Variants in WDPCP observed in about 807,000 individuals in gnomAD.
WDPCP encodes the protein WD repeat-containing and planar cell polarity effector protein fritz homolog.
A neutral mutation model predicts 93.1 loss-of-function variants in WDPCP; 71 were observed. That is an observed-to-expected ratio of 0.76 (90% CI 0.63 to 0.93). WDPCP has a LOEUF of 0.93. Among genes scored for constraint, WDPCP ranks in the 40% least tolerant of loss-of-function variants. The pLI, the probability that WDPCP is intolerant of heterozygous loss-of-function variation, is 0.00. For synonymous variants in WDPCP, 315 were observed against 315.0 expected (o/e 1.00, Z 0.00); for missense variants, 844 against 887.4 (o/e 0.95, Z 0.62).
chr2:63,172,372 G>A (rs1673455554), intron 15 of WDPCP, among the ~76,000 whole-genome samples: 2 of 152,068 alleles, frequency 1.3e-5, no homozygotes, highest in African/African-American at 2.4e-5. Context: ...GCCCGGTATG[G>A]TGGCACGTGC....
In WDPCP at chr2:63,241,273, C is replaced by A. The variant is rs151106269; in HGVS notation, c.1915+18034G>T. The stretch of plus-strand genomic sequence containing the variant: ...TTAGGATGTCTTTAGGGAAAGATGC[C>A]TATAGGTAGTAAGGTTTAGATCAAA... On this transcript the variant is annotated intron_variant, in intron 14 of 17. Coordinates refer to ENST00000272321, the MANE Select transcript of WDPCP (RefSeq NM_015910.7). 9.2e-5 allele frequency among the ~76,000 whole-genome samples: 14 copies of A among 152,098 alleles called. No individual in the cohort carries two copies. The East Asian group carries it at 2.3e-3, about 25-fold the overall frequency.
intron 2 of WDPCP, among the ~76,000 whole-genome samples, chr2:63,706,466 C>T (rs1669154098): frequency 6.6e-6 from 1 of 152,086 alleles, no homozygotes; most frequent in African/African-American, 2.4e-5. Context: ...GTGCTTCCTT[C>T]AGGAGCTCTT....
At chr2:63,255,862 T>G (rs1299049880) in intron 14 of WDPCP, among the ~76,000 whole-genome samples, 1 of 133,606 alleles carries the variant, frequency 7.5e-6, no homozygotes. Context: ...AGATATAAGG[T>G]CAATATATAC....
chr2:63,556,700 G>A (rs1053037511), intron 1 of WDPCP, among the ~76,000 whole-genome samples: 2 of 152,010 alleles, frequency 1.3e-5, no homozygotes, highest in South Asian at 2.1e-4. Flanking sequence ...AAGATCAACC[G>A]CAAGACACAT....
chr2:63,652,291 G>C (rs1710118580), intron 2 of WDPCP, among the ~76,000 whole-genome samples: 1 of 152,194 alleles, frequency 6.6e-6, no homozygotes, highest in African/African-American at 2.4e-5. Flanking sequence ...CAGCAACTTG[G>C]TTGGCACAAC....
intron 3 of WDPCP, among the ~76,000 whole-genome samples, chr2:63,621,405 A>G (rs1176351841): frequency 6.6e-6 from 1 of 152,018 alleles, no homozygotes; most frequent in East Asian, 1.9e-4. Context: ...CGAATTGATC[A>G]AGCAGAAGAA....
At chr2:63,562,111 G>C (rs1706672135) in intron 1 of WDPCP, among the ~76,000 whole-genome samples, 1 of 152,116 alleles carries the variant, frequency 6.6e-6, no homozygotes, top group South Asian at 2.1e-4. Flanking sequence ...CAAAAACATG[G>C]AATTAGTCCA....
intron 1 of WDPCP, among the ~76,000 whole-genome samples, chr2:63,546,576 G>A (rs1055335523): frequency 1.3e-5 from 2 of 152,178 alleles, no homozygotes; most frequent in Non-Finnish European, 1.5e-5. Flanking sequence ...AAATTATCTT[G>A]ACTGGTGTAT....
chr2:63,280,951 T>C (rs1464283100), intron 13 of WDPCP, among the ~76,000 whole-genome samples: 1 of 151,614 alleles, frequency 6.6e-6, no homozygotes, highest in Non-Finnish European at 1.5e-5. Flanking sequence ...CAAAAGCAAA[T>C]GAAACAAAAA....
chr2:63,203,317 C>A (rs573281205), intron 14 of WDPCP, among the ~76,000 whole-genome samples: 1 of 152,024 alleles, frequency 6.6e-6, no homozygotes, highest in Non-Finnish European at 1.5e-5. Context: ...ACAAACAATC[C>A]AATTATACTC....
intron 1 of WDPCP, among the ~76,000 whole-genome samples, chr2:63,581,672 T>C (rs913066762): frequency 6.6e-6 from 1 of 152,164 alleles, no homozygotes; most frequent in East Asian, 1.9e-4. Context: ...AATAATTTAA[T>C]TGCATCACAG....
chr2:63,162,651 T>C (rs1188085572), intron 15 of WDPCP, among the ~76,000 whole-genome samples: 1 of 152,202 alleles, frequency 6.6e-6, no homozygotes, highest in African/African-American at 2.4e-5. Flanking sequence ...TATTGTTCTA[T>C]GTAAACTCAT....
Position 63,174,677 on chromosome 2 carries a change from A to G in WDPCP, c.2071T>C (p.Ser691Pro). 1 of 1,613,912 alleles carries G rather than the reference A, an allele frequency of 6.2e-7. No homozygotes were observed. Among genetic ancestry groups the G allele is most frequent in the Non-Finnish European group, 8.5e-7 (1 of 1,179,872 alleles). Residue 691 changes from serine (S) to proline (P), a missense_variant, in exon 15 of 18, where the codon TCT becomes CCT. Coordinates refer to ENST00000272321, the MANE Select transcript of WDPCP (RefSeq NM_015910.7). ...CAGTTCAACATTTCTTACCTGTTAGAAGAGCCATTCAGTATTCTTTGTTGT... is the reference window on the plus strand; with the variant it reads ...CAGTTCAACATTTCTTACCTGTTAGGAGAGCCATTCAGTATTCTTTGTTGT... ...ILQQRILNGS[S>P]NRQIIDRRNE...
intron 1 of WDPCP, among the ~76,000 whole-genome samples, chr2:63,540,980 G>T (rs1704672860): frequency 1.3e-5 from 2 of 149,712 alleles, no homozygotes; most frequent in South Asian, 4.3e-4. Flanking sequence ...GGTGGTTTTT[G>T]TTTTTTTGTT....
chr2:63,467,915 G>A (rs1315849340), intron 6 of WDPCP, among the ~76,000 whole-genome samples: 1 of 151,992 alleles, frequency 6.6e-6, no homozygotes, highest in African/African-American at 2.4e-5. Context: ...ATCCTTTAAT[G>A]TAAATCTTTG....
intron 6 of WDPCP, among the ~76,000 whole-genome samples, chr2:63,446,601 C>G (rs1697883916): frequency 6.6e-6 from 1 of 152,212 alleles, no homozygotes; most frequent in Non-Finnish European, 1.5e-5. Flanking sequence ...AAGCTATCCT[C>G]TCTCATGTAT....
intron 6 of WDPCP, among the ~76,000 whole-genome samples, chr2:63,474,082 GA>G (rs1699835948): frequency 6.6e-6 from 1 of 152,026 alleles, no homozygotes; most frequent in Non-Finnish European, 1.5e-5. Flanking sequence ...AAATGAAAAT[GA>G]GTTAATATTT....
At chr2:63,415,403 T>C (rs1047477108) in intron 9 of WDPCP, among the ~76,000 whole-genome samples, 13 of 152,252 alleles carry the variant, frequency 8.5e-5, no homozygotes, top group African/African-American at 2.4e-4. Context: ...TAAGTTTCCG[T>C]AAAGAGTAAC....
intron 14 of WDPCP, among the ~76,000 whole-genome samples, chr2:63,195,306 A>T (rs191094498): frequency 5.3e-5 from 8 of 152,364 alleles, no homozygotes; most frequent in African/African-American, 1.7e-4. Flanking sequence ...ACTGATAATT[A>T]TGAGATTTAT....
Sources: allele counts gnomAD v4.1 joint callset (sites outside exome capture counted in the v4.1 genomes callset), GRCh38; gene constraint gnomAD v4.1.1; transcripts MANE v1.5; gene names NCBI Gene and HGNC (gene_info 2026-07-23, HGNC 2026-07-21).